Variants in JAZF1 observed in about 807,000 individuals in gnomAD.
The protein encoded by JAZF1 is juxtaposed with another zinc finger protein 1.
JAZF1 carries 8 observed loss-of-function variants against 26.4 expected under a neutral mutation model. That is an observed-to-expected ratio of 0.30 (90% confidence interval 0.18 to 0.55). JAZF1 has a LOEUF of 0.55. Among genes scored for constraint, JAZF1 ranks in the 20% least tolerant of loss-of-function variants. The pLI is 0.94. For synonymous variants in JAZF1, 126 were observed against 122.3 expected (o/e 1.03, Z -0.20); for missense variants, 199 against 322.0 (o/e 0.62, Z 2.92).
intron 2 of JAZF1, among the ~76,000 whole-genome samples, chr7:27,959,814 C>T (rs1031530587): frequency 6.6e-5 from 10 of 151,872 alleles, no homozygotes; most frequent in African/African-American, 1.4e-4. Flanking sequence ...GCAGGAGAAT[C>T]GCTTGAACCC....
Position 28,075,149 on chromosome 7 carries a change from T to G in JAZF1, c.116-83168A>C, listed in dbSNP as rs370331605. On this transcript the variant is annotated intron_variant, in intron 1 of 4. Coordinates refer to ENST00000283928, the MANE Select transcript of JAZF1 (RefSeq NM_175061.4). The stretch of plus-strand genomic sequence containing the variant: ...ATTTATGACCCGGCAAATCAACACA[T>G]CTCTCCAAACCTGTGCATCCTCGGG... 8.5e-5 allele frequency among the ~76,000 whole-genome samples: 13 copies of G among 152,180 alleles called. 1 individual carries two copies. The highest frequency in any genetic ancestry group is 2.9e-4 in the African/African-American group (12 of 41,500).
intron 1 of JAZF1, among the ~76,000 whole-genome samples, chr7:28,039,676 T>C (rs1209975505): frequency 1.3e-5 from 2 of 152,176 alleles, no homozygotes; most frequent in African/African-American, 4.8e-5. Context: ...ATCGCATAAC[T>C]AAAGAGAGTT....
intron 3 of JAZF1, among the ~76,000 whole-genome samples, chr7:27,882,766 G>A (rs537875747): frequency 2.0e-5 from 3 of 152,280 alleles, no homozygotes; most frequent in Admixed American, 6.5e-5. Flanking sequence ...GTTTGCCGCC[G>A]TGATACTCAT....
intron 1 of JAZF1, among the ~76,000 whole-genome samples, chr7:28,174,819 T>TGG (rs560006381): frequency 0.21 from 18,753 of 90,814 alleles, 6,085 homozygotes; most frequent in Non-Finnish European, 0.32. Flanking sequence ...ATGGGGTGTG[T>TGG]GGGTGTGTGT....
intron 1 of JAZF1, among the ~76,000 whole-genome samples, chr7:28,110,096 G>A (rs1395466570): frequency 6.6e-6 from 1 of 152,030 alleles, no homozygotes; most frequent in Non-Finnish European, 1.5e-5. Context: ...TAAAAGACTG[G>A]TCAAGAGGAA....
intron 1 of JAZF1, among the ~76,000 whole-genome samples, chr7:28,085,065 C>G (rs565818580): frequency 6.6e-6 from 1 of 152,268 alleles, no homozygotes; most frequent in South Asian, 2.1e-4. Context: ...GCCTCCATAA[C>G]TGGAAGAAAT....
At chr7:27,899,280 T>C (rs1483558180) in intron 2 of JAZF1, among the ~76,000 whole-genome samples, 6 of 152,218 alleles carry the variant, frequency 3.9e-5, no homozygotes, top group Non-Finnish European at 7.3e-5. Flanking sequence ...ATGAGGACTA[T>C]GTTCCCTGTT....
intron 1 of JAZF1, among the ~76,000 whole-genome samples, chr7:28,002,478 A>T (rs1782620019): frequency 6.6e-6 from 1 of 152,192 alleles, no homozygotes; most frequent in Non-Finnish European, 1.5e-5. Context: ...TAGCTGTCTA[A>T]CTTCTTTAAG....
chr7:27,949,217 G>T (rs1485997264), intron 2 of JAZF1, among the ~76,000 whole-genome samples: 3 of 152,194 alleles, frequency 2.0e-5, no homozygotes, highest in African/African-American at 4.8e-5. Flanking sequence ...AAAGGGATGA[G>T]CTGAGAAGGG....
At chr7:27,941,220 A>T (rs182342933) in intron 2 of JAZF1, among the ~76,000 whole-genome samples, 1 of 152,362 alleles carries the variant, frequency 6.6e-6, no homozygotes, top group Non-Finnish European at 1.5e-5. Flanking sequence ...ATTAGGAATA[A>T]GATTTCAAGC....
chr7:27,882,793 C>T (rs1675860597), intron 3 of JAZF1, among the ~76,000 whole-genome samples: 2 of 152,144 alleles, frequency 1.3e-5, no homozygotes, highest in Admixed American at 1.3e-4. Context: ...GAAAGGGCTT[C>T]TCTGATTTTA....
chr7:28,124,348 A>T (rs1218313430), intron 1 of JAZF1, among the ~76,000 whole-genome samples: 2 of 152,190 alleles, frequency 1.3e-5, no homozygotes, highest in African/African-American at 4.8e-5. Flanking sequence ...GCTGTGAAAA[A>T]AATACATTTC....
chr7:27,918,657 TGA>T (rs1784481776), intron 2 of JAZF1, among the ~76,000 whole-genome samples: 1 of 152,214 alleles, frequency 6.6e-6, no homozygotes. Flanking sequence ...ACAGAAAATT[TGA>T]GAGCAGAGTT....
chr7:28,177,433 T>C (rs1310141793), intron 1 of JAZF1, among the ~76,000 whole-genome samples: 3 of 152,176 alleles, frequency 2.0e-5, no homozygotes, highest in Admixed American at 6.5e-5. Context: ...CTAAACATAA[T>C]ACTTTTATAA....
intron 3 of JAZF1, chr7:27,841,525 G>A (rs943202913): frequency 6.6e-6 from 1 of 152,364 alleles, no homozygotes. Flanking sequence ...GGAAGACGAA[G>A]CGATCCCCTA....
Position 27,840,922 on chromosome 7 carries a change from T to G in JAZF1, c.386-55A>C. 1.3e-6 allele frequency: 2 copies of G among 1,580,286 alleles called. No homozygotes were observed. Among genetic ancestry groups the G allele is most frequent in the Non-Finnish European group, 8.6e-7 (1 of 1,157,544 alleles). On this transcript the variant is annotated intron_variant, in intron 3 of 4. Coordinates refer to ENST00000283928, the MANE Select transcript of JAZF1 (RefSeq NM_175061.4). The surrounding 1 kb of genome is among the most constrained non-coding windows in gnomAD (Gnocchi z 5.1). ...CAGGAGCGCTCATCTCCCCACAGGT[T>G]CACCCGGCCACTTCCAGGACAGGAG... is the stretch of plus-strand genomic sequence containing the variant.
At chr7:27,878,716 TTGCCTCACC>T (rs910568230) in intron 3 of JAZF1, among the ~76,000 whole-genome samples, 23 of 152,312 alleles carry the variant, frequency 1.5e-4, no homozygotes, top group African/African-American at 5.3e-4. Context: ...AATGAAGCCA[TTGCCTCACC>T]TGCCATTCTC....
At chr7:28,128,919 A>G (rs971052675) in intron 1 of JAZF1, among the ~76,000 whole-genome samples, 33 of 152,310 alleles carry the variant, frequency 2.2e-4, no homozygotes, top group African/African-American at 7.9e-4. Flanking sequence ...ATTTCTTAAG[A>G]TAACCCATTG....
intron 3 of JAZF1, among the ~76,000 whole-genome samples, chr7:27,866,111 G>A (rs1783468190): frequency 1.3e-5 from 2 of 152,232 alleles, no homozygotes. Context: ...TCGAGTGAGG[G>A]CAGCACTGCC....
Sources: gnomAD v4.1 joint callset for allele counts (sites outside exome capture counted in the v4.1 genomes callset) on GRCh38, gnomAD v4.1.1 for gene constraint, Gnocchi (gnomAD v3.1) non-coding constraint, MANE v1.5 for transcripts, NCBI Gene and HGNC (gene_info 2026-07-23, HGNC 2026-07-21) for gene names.